ERCC3: variants seen among roughly 807,000 people sequenced by gnomAD.
The protein encoded by ERCC3 is ERCC excision repair 3, TFIIH core complex helicase subunit, also known as general transcription and DNA repair factor IIH helicase/translocase subunit XPB.
In ERCC3, 66 loss-of-function variants were observed where a neutral mutation model predicts 94.2. That is an observed-to-expected ratio of 0.70 (90% confidence interval 0.57 to 0.86). The LOEUF (loss-of-function observed/expected upper bound fraction) is 0.86, where lower values mean the gene tolerates loss of function less well. Ranked by LOEUF, ERCC3 falls within the 40% of genes least tolerant of loss-of-function variation. The probability of loss-of-function intolerance (pLI) is 0.00; values close to 1 mark genes in which losing one functional copy is unlikely to be tolerated. For missense variants in ERCC3, 829 were observed against 987.1 expected, an observed-to-expected ratio of 0.84 and a Z score of 2.15; for synonymous variants, 349 against 369.1, an observed-to-expected ratio of 0.95 and a Z score of 0.63.
rs762034167 is a variant in ERCC3 at position 127,259,289 on chromosome 2, T to G, written c.2217+7A>C. ...GACACCTGGAACCTCCTCACCCATT[T>G]ACTCACCTGGCTGGATCTGGAGCCA... On this transcript the variant is annotated splice_region_variant and intron_variant, in intron 14 of 14. Coordinates refer to ENST00000285398, the MANE Select transcript of ERCC3 (RefSeq NM_000122.2). This position sits in a 1 kb window ranked among gnomAD's most constrained non-coding sequence, Gnocchi z 4.9. 1 of 1,614,194 alleles carries G rather than the reference T, an allele frequency of 6.2e-7. No individual in the cohort carries two copies. The highest frequency in any genetic ancestry group is 1.1e-5 in the South Asian group (1 of 91,084).
At chr2:127,282,850 T>C (rs1382935076) in intron 8 of ERCC3, among the ~76,000 whole-genome samples, 1 of 152,184 alleles carries the variant, frequency 6.6e-6, no homozygotes, top group Non-Finnish European at 1.5e-5. Flanking sequence ...CTTTTTGTAC[T>C]TGTTCATCAG....
In ERCC3 at chr2:127,271,009, C is replaced by T. The variant is rs4150500; in HGVS notation, c.1945+327G>A. The stretch of plus-strand genomic sequence containing the variant: ...AGCTCCTCCACTTACACTGGTGGCC[C>T]AGCTCTGTTTTCTCCCTTCCATGTC... On this transcript the variant is annotated intron_variant, in intron 12 of 14. Coordinates refer to ENST00000285398, the MANE Select transcript of ERCC3 (RefSeq NM_000122.2). The surrounding 1 kb of genome is among the most constrained non-coding windows in gnomAD (Gnocchi z 5.0). 1.1e-3 allele frequency among the ~76,000 whole-genome samples: 168 copies of T among 152,304 alleles called. No individual in the cohort carries two copies. Among genetic ancestry groups the T allele is most frequent in the Non-Finnish European group, 2.0e-3 (137 of 68,026 alleles).
chr2:127,290,358 C>A (rs1176187518), intron 3 of ERCC3, 85 bp from the exon 4 acceptor site: 8 of 1,152,190 alleles, frequency 6.9e-6, no homozygotes, highest in Non-Finnish European at 1.1e-5. Flanking sequence ...CACCTACCAA[C>A]CAAGTGAAAA....
At position 127,257,412 on chromosome 2, in the gene ERCC3, C is replaced by G; in HGVS notation, c.*184G>C. The G allele has an allele frequency of 2.7e-6, 2 of 744,960 alleles. No homozygotes were observed. Among genetic ancestry groups the G allele is most frequent in the Non-Finnish European group, 4.8e-6 (2 of 417,116 alleles). The allele number at this position is 744,960 out of a possible 1,614,324, so 46.1% of individuals were successfully genotyped here. A position where few individuals can be genotyped will look rare whatever the true frequency, so the allele number is the denominator to read the frequency against. ...AAAGTTTGAAAAAATATTGTCTCCT[C>G]CTCCTTTATAAAACCCTAGATGACC... On this transcript the variant is annotated 3_prime_UTR_variant, in exon 15 of 15. Transcript: ENST00000285398. The surrounding 1 kb of genome is among the most constrained non-coding windows in gnomAD (Gnocchi z 5.4).
At chr2:127,282,063 G>A (rs1684933495) in intron 8 of ERCC3, among the ~76,000 whole-genome samples, 1 of 152,104 alleles carries the variant, frequency 6.6e-6, no homozygotes, top group African/African-American at 2.4e-5. Flanking sequence ...AGCTGTCACA[G>A]GTGAATAACT....
At chr2:127,289,917 G>A in intron 4 of ERCC3, 93 bp from the exon 5 acceptor site, 1 of 1,406,852 alleles carries the variant, frequency 7.1e-7, no homozygotes, top group Non-Finnish European at 1.0e-6. Flanking sequence ...GGAAATACAA[G>A]CCTCATGACT....
rs1450820508 is a variant in ERCC3, at chr2:127,259,841, G to A, written c.2065-393C>T. The A allele has an allele frequency of 3.0e-6, 1 of 328,190 alleles. No homozygotes were observed. The highest frequency in any genetic ancestry group is 5.9e-6 in the Non-Finnish European group (1 of 168,682). 20.3% of individuals were successfully genotyped at this position (328,190 alleles called of 1,614,324 possible). A position where few individuals can be genotyped will look rare whatever the true frequency, so the allele number is the denominator to read the frequency against. ...GGCACAGGCTGTGGCCCTTTGTGAA[G>A]GTCCCTGGCATCTGCTGTGCTCCGC... is the stretch of plus-strand genomic sequence containing the variant. On this transcript the variant is annotated intron_variant, in intron 13 of 14. Transcript: ENST00000285398. This position sits in a 1 kb window ranked among gnomAD's most constrained non-coding sequence, Gnocchi z 4.9.
chr2:127,277,613 C>A lies in ERCC3; in HGVS notation c.1730+1560G>T, dbSNP rs1684771323. Among the ~76,000 whole-genome samples the A allele has an allele frequency of 1.3e-5, 2 of 152,064 alleles. No homozygotes were observed. Among genetic ancestry groups the A allele is most frequent in the African/African-American group, 2.4e-5 (1 of 41,396 alleles). ...GGCTGAGGCAGGAGAATCACTTGAA[C>A]CCACAAGGCAGAGGTTGCAGTGAGC... is the stretch of plus-strand genomic sequence containing the variant. On this transcript the variant is annotated intron_variant, in intron 10 of 14. Transcript: ENST00000285398. The surrounding 1 kb of genome is among the most constrained non-coding windows in gnomAD (Gnocchi z 5.1).
intron 11 of ERCC3, 79 bp downstream of exon 11, chr2:127,272,786 A>AC: frequency 1.1e-6 from 1 of 889,822 alleles, no homozygotes; most frequent in South Asian, 1.3e-5. Context: ...ACATGAATTC[A>AC]CTGTCCAGGA....
rs121913047 is a variant in ERCC3, at chr2:127,286,772, G to T, written c.1273C>A (p.Arg425=). The change falls in exon 8 of 15, where the codon CGA becomes AGA. Residue 425 remains arginine (R), a synonymous_variant. Coordinates refer to ENST00000285398, the MANE Select transcript of ERCC3 (RefSeq NM_000122.2). ...TGGGTCTTGAGCCACTCCATGACTC[G>T]CTCGGCCTCCCAGGACCTTTTGGTG... ...HTTKRSWEAE[R]VMEWLKTQEW... is the part of the protein sequence containing the mutation. 5.0e-6 allele frequency: 8 copies of T among 1,613,996 alleles called. No individual in the cohort carries two copies. The African/African-American group carries it at 1.1e-4, about 22-fold the overall frequency.
chr2:127,266,709 ATTTTTTTTTT>A (rs960627621), intron 12 of ERCC3, among the ~76,000 whole-genome samples: 7 of 87,320 alleles, frequency 8.0e-5, no homozygotes, highest in African/African-American at 2.6e-4. Flanking sequence ...ATGATCAATT[ATTTTTTTTTT>A]TTTTTTTTTT....
rs1360394219 is a variant in ERCC3, at chr2:127,291,744, A to G, written c.471+866T>C. On this transcript the variant is annotated intron_variant, in intron 3 of 14. Transcript: ENST00000285398. The surrounding 1 kb of genome is among the most constrained non-coding windows in gnomAD (Gnocchi z 4.9). ...TGAAAGCCACTGTCCATCTCTTTTA[A>G]ATGGCATTCACCCATCTCGCAGAAG... is the stretch of plus-strand genomic sequence containing the variant. 6.6e-6 allele frequency among the ~76,000 whole-genome samples: 1 copy of G among 152,206 alleles called. No individual in the cohort carries two copies. Among genetic ancestry groups the G allele is most frequent in the Non-Finnish European group, 1.5e-5 (1 of 68,036 alleles).
intron 12 of ERCC3, among the ~76,000 whole-genome samples, chr2:127,267,155 T>C (rs1457911493): frequency 6.6e-6 from 1 of 152,194 alleles, no homozygotes; most frequent in Non-Finnish European, 1.5e-5. Flanking sequence ...TCTTTGTTAG[T>C]TTTCTGCCTC....
intron 12 of ERCC3, among the ~76,000 whole-genome samples, chr2:127,266,420 C>G (rs1017209021): frequency 6.8e-6 from 1 of 148,058 alleles, no homozygotes; most frequent in African/African-American, 2.5e-5. Context: ...ACTGCAAGCT[C>G]CGCCTCCCAG....
At chr2:127,263,007 C>T (rs1684242758) in intron 12 of ERCC3, 1 of 152,170 alleles carries the variant, frequency 6.6e-6, no homozygotes, top group Non-Finnish European at 1.5e-5. Flanking sequence ...TATTCTGCTC[C>T]ATTGGTCTAT....
rs1004888680 is a variant in ERCC3, at chr2:127,280,297, C to A, written c.1527+150G>T. 5.4e-6 allele frequency: 4 copies of A among 746,570 alleles called. No individual in the cohort carries two copies. The highest frequency in any genetic ancestry group is 9.5e-6 in the Non-Finnish European group (4 of 420,288). The allele number at this position is 746,570 out of a possible 1,614,324, so 46.2% of individuals were successfully genotyped here. A position where few individuals can be genotyped will look rare whatever the true frequency, so the allele number is the denominator to read the frequency against. ...TGCAGCAAGTGGGTCTAGTACCACC[C>A]AACCACAGGGTGACTGAGGATCCTG... On this transcript the variant is annotated intron_variant, in intron 9 of 14. Coordinates refer to ENST00000285398, the MANE Select transcript of ERCC3 (RefSeq NM_000122.2). This position sits in a 1 kb window ranked among gnomAD's most constrained non-coding sequence, Gnocchi z 6.3.
At position 127,271,924 on chromosome 2, in the gene ERCC3, C is replaced by G. The variant is rs1454428412; in HGVS notation, c.1828-471G>C. On this transcript the variant is annotated intron_variant, in intron 11 of 14. Transcript: ENST00000285398. The surrounding 1 kb of genome is among the most constrained non-coding windows in gnomAD (Gnocchi z 5.0). ...GTAGGTGGATTCCTCAGCTCTGGGG[C>G]TCCAAACATCGAGGTTCCCAGCCAC... Among the ~76,000 whole-genome samples, 1 of 150,928 alleles carries G rather than the reference C, an allele frequency of 6.6e-6. No homozygotes were observed. Among genetic ancestry groups the G allele is most frequent in the Non-Finnish European group, 1.5e-5 (1 of 67,872 alleles).
intron 4 of ERCC3, 120 bp downstream of exon 4, chr2:127,290,104 C>T (rs1685217437): frequency 2.0e-5 from 18 of 898,962 alleles, no homozygotes; most frequent in Non-Finnish European, 3.3e-5. Context: ...TTTCTCTTCT[C>T]TTATCTGTGC....
Position 127,257,530 on chromosome 2 carries a change from T to C in ERCC3, c.*66A>G, listed in dbSNP as rs1684048637. On this transcript the variant is annotated 3_prime_UTR_variant, in exon 15 of 15. Coordinates refer to ENST00000285398, the MANE Select transcript of ERCC3 (RefSeq NM_000122.2). This position sits in a 1 kb window ranked among gnomAD's most constrained non-coding sequence, Gnocchi z 5.4. The stretch of plus-strand genomic sequence containing the variant: ...TCAAAGAGGTGGAAGGAAAATGTTA[T>C]GCTGAAAATCCCTTTCCAACAAGGG... 3.1e-6 allele frequency: 5 copies of C among 1,603,450 alleles called. No homozygotes were observed. The highest frequency in any genetic ancestry group is 1.1e-5 in the South Asian group (1 of 90,702).
Sources: allele counts gnomAD v4.1 joint callset (sites outside exome capture counted in the v4.1 genomes callset), GRCh38; gene constraint gnomAD v4.1.1; non-coding constraint Gnocchi (gnomAD v3.1); transcripts MANE v1.5; gene names NCBI Gene and HGNC (gene_info 2026-07-23, HGNC 2026-07-21).